BCAS2: variants seen among roughly 807,000 people sequenced by gnomAD.
The protein encoded by BCAS2 is pre-mRNA-splicing factor SPF27.
BCAS2 carries 34 observed loss-of-function variants against 35.3 expected under a neutral mutation model. The ratio of observed to expected loss-of-function variants is 0.96; its 90% confidence interval spans 0.73 to 1.28. BCAS2 has a LOEUF of 1.28. Ranked by LOEUF, BCAS2 falls within the 50% of genes most tolerant of loss-of-function variation. The pLI, the probability that BCAS2 is intolerant of heterozygous loss-of-function variation, is 0.00. For missense variants in BCAS2, 221 were observed against 268.1 expected, an observed-to-expected ratio of 0.82 and a Z score of 1.23; for synonymous variants, 75 against 91.6, an observed-to-expected ratio of 0.82 and a Z score of 1.03.
At chr1:114,577,389 T>G (rs1654793611) in intron 2 of BCAS2, among the ~76,000 whole-genome samples, 1 of 151,806 alleles carries the variant, frequency 6.6e-6, no homozygotes, top group Admixed American at 6.6e-5. Flanking sequence ...TTTTTTTTTG[T>G]GAGACGAAGT....
chr1:114,567,946 C>G lies in BCAS2; in HGVS notation c.*184G>C, dbSNP rs1654559450. 1 of 725,990 alleles carries G rather than the reference C, an allele frequency of 1.4e-6. No homozygotes were observed. The highest frequency in any genetic ancestry group is 2.8e-5 in the South Asian group (1 of 35,736). 45.0% of individuals were successfully genotyped at this position (725,990 alleles called of 1,614,324 possible). ...TTATGGCTATAAAAATACCACCAAG[C>G]TAGACATTTTAATTCTGTTGAGATA... On this transcript the variant is annotated 3_prime_UTR_variant, in exon 7 of 7. Coordinates refer to ENST00000369541, the MANE Select transcript of BCAS2 (RefSeq NM_005872.3).
chr1:114,577,373 A>AT (rs151333752), intron 2 of BCAS2, among the ~76,000 whole-genome samples: 5,543 of 150,720 alleles, frequency 0.037, 312 homozygotes, highest in African/African-American at 0.12. Flanking sequence ...TTATTTATTT[A>AT]TTTATTTTTT....
rs200139968 is a variant in BCAS2 at position 114,569,514 on chromosome 1, T to A, written c.551+478A>T. ...TATAAAATAATTTTTTTCCTTTTTTTTTTTTTAAAGACTAGGTCTTGCTCT... is the reference window on the plus strand; with the variant it reads ...TATAAAATAATTTTTTTCCTTTTTTATTTTTTAAAGACTAGGTCTTGCTCT... On this transcript the variant is annotated intron_variant, in intron 6 of 6. Transcript: ENST00000369541. 1.9e-4 allele frequency among the ~76,000 whole-genome samples: 29 copies of A among 152,164 alleles called. No individual in the cohort carries two copies. The East Asian group carries it at 5.4e-3, about 28-fold the overall frequency.
intron 2 of BCAS2, among the ~76,000 whole-genome samples, chr1:114,577,798 G>A (rs548067022): frequency 2.6e-5 from 4 of 152,260 alleles, no homozygotes; most frequent in Non-Finnish European, 4.4e-5. Context: ...GTAATACTTC[G>A]GTTATTCCAT....
chr1:114,580,107 A>C (rs1264068927), intron 2 of BCAS2, among the ~76,000 whole-genome samples: 7 of 151,430 alleles, frequency 4.6e-5, no homozygotes, highest in Admixed American at 4.6e-4. Flanking sequence ...CTAACTTTTT[A>C]ATTTTTCTTT....
intron 2 of BCAS2, among the ~76,000 whole-genome samples, chr1:114,577,919 G>A (rs753093888): frequency 1.3e-5 from 2 of 152,238 alleles, no homozygotes; most frequent in Non-Finnish European, 2.9e-5. Context: ...TAGGCCGGGC[G>A]AGGTGGCTCA....
intron 2 of BCAS2, among the ~76,000 whole-genome samples, chr1:114,577,577 G>C (rs2101630301): frequency 6.6e-6 from 1 of 152,218 alleles, no homozygotes; most frequent in Admixed American, 6.5e-5. Context: ...ATGTTGGCCA[G>C]GCTGGTCTCG....
chr1:114,568,179 T>C lies in BCAS2; in HGVS notation c.629A>G (p.Lys210Arg), dbSNP rs1436549799. Residue 210 changes from lysine to arginine, a missense_variant, in exon 7 of 7, where the codon AAG (lysine) becomes AGG (arginine). By Grantham distance (26) the Lys-to-Arg change is conservative. Coordinates refer to ENST00000369541, the MANE Select transcript of BCAS2 (RefSeq NM_005872.3). Reference protein sequence around the residue: ...VQLENEIYQIKQQHGEANKEN... With the variant: ...VQLENEIYQIRQQHGEANKEN... The stretch of plus-strand genomic sequence containing the variant: ...TTTGTTTGCCTCTCCATGTTGCTGC[T>C]TAATTTGATAGATTTCATTTTCTAG... 3 of 1,613,828 alleles carry C rather than the reference T, an allele frequency of 1.9e-6. No homozygotes were observed. Among genetic ancestry groups the C allele is most frequent in the Non-Finnish European group, 2.5e-6 (3 of 1,179,988 alleles).
At chr1:114,581,036 C>T (rs188018290) in intron 2 of BCAS2, among the ~76,000 whole-genome samples, 193 of 152,272 alleles carry the variant, frequency 1.3e-3, no homozygotes, top group African/African-American at 4.5e-3. Flanking sequence ...TGAGAATTTA[C>T]GCATGGATCC....
At position 114,569,901 on chromosome 1, in the gene BCAS2, A is replaced by G. The variant is rs1654604659; in HGVS notation, c.551+91T>C. On this transcript the variant is annotated intron_variant, in intron 6 of 6. Transcript: ENST00000369541. Reference sequence around the variant, plus strand: ...ATAGCATTTCTTTGTTACCTGTGGCATCCCATTTGAATGCTATTTGAATCA... The same window carrying G: ...ATAGCATTTCTTTGTTACCTGTGGCGTCCCATTTGAATGCTATTTGAATCA... 3.2e-6 allele frequency: 3 copies of G among 947,382 alleles called. No homozygotes were observed. The East Asian group carries it at 7.6e-5, about 24-fold the overall frequency. 58.7% of individuals were successfully genotyped at this position (947,382 alleles called of 1,614,324 possible).
At position 114,576,247 on chromosome 1, in the gene BCAS2, C is replaced by CTA. The variant is rs67885657; in HGVS notation, c.257+439_257+440dup. The stretch of plus-strand genomic sequence containing the variant: ...CCTCTCTCTCTCTCTCTCTCTCTCT[C>CTA]TATATATATATATATATAGTTTTTT... On this transcript the variant is annotated intron_variant, in intron 3 of 6. Coordinates refer to ENST00000369541, the MANE Select transcript of BCAS2 (RefSeq NM_005872.3). Among the ~76,000 whole-genome samples, 878 of 131,642 alleles carry CTA rather than the reference C, an allele frequency of 6.7e-3. 8 individuals carry two copies. The highest frequency in any genetic ancestry group is 9.0e-3 in the East Asian group (40 of 4,430). The allele number at this position is 131,642 out of a possible 152,430, so 86.4% of individuals were successfully genotyped here. A position where few individuals can be genotyped will look rare whatever the true frequency, so the allele number is the denominator to read the frequency against.
chr1:114,573,513 G>A (rs1021447813), intron 4 of BCAS2, among the ~76,000 whole-genome samples: 1 of 152,194 alleles, frequency 6.6e-6, no homozygotes, highest in African/African-American at 2.4e-5. Context: ...GATTATAAGC[G>A]TGAACCACGC....
At chr1:114,568,280 A>G in intron 6 of BCAS2, 24 bp from the exon 7 acceptor site, 2 of 1,605,240 alleles carry the variant, frequency 1.2e-6, no homozygotes, top group Non-Finnish European at 1.7e-6. Flanking sequence ...GAAGAAAAGA[A>G]AAAAATTACT....
At chr1:114,568,624 C>T (rs1654575515) in intron 6 of BCAS2, among the ~76,000 whole-genome samples, 1 of 151,788 alleles carries the variant, frequency 6.6e-6, no homozygotes, top group African/African-American at 2.4e-5. Context: ...ACCTCGGTCT[C>T]CTAATGTGCT....
chr1:114,580,346 A>G (rs552212126), intron 2 of BCAS2, among the ~76,000 whole-genome samples: 1 of 152,188 alleles, frequency 6.6e-6, no homozygotes, highest in Non-Finnish European at 1.5e-5. Context: ...GATATCTTAC[A>G]TTTCATTTAG....
chr1:114,569,304 T>C (rs905935521), intron 6 of BCAS2, among the ~76,000 whole-genome samples: 5 of 151,206 alleles, frequency 3.3e-5, no homozygotes, highest in African/African-American at 1.2e-4. Flanking sequence ...GGAACAAGAA[T>C]GACTTGAGTA....
intron 2 of BCAS2, among the ~76,000 whole-genome samples, chr1:114,578,639 T>G (rs1278554175): frequency 6.6e-6 from 1 of 152,172 alleles, no homozygotes; most frequent in Non-Finnish European, 1.5e-5. Context: ...GCCCAGTCAC[T>G]TTATCACTAT....
chr1:114,573,404 T>C (rs1654691322), intron 4 of BCAS2, among the ~76,000 whole-genome samples: 1 of 152,182 alleles, frequency 6.6e-6, no homozygotes, highest in African/African-American at 2.4e-5. Context: ...ATTTTTTTTA[T>C]TGTTTTCTAT....
chr1:114,578,127 T>C (rs1333454639), intron 2 of BCAS2, among the ~76,000 whole-genome samples: 1 of 151,402 alleles, frequency 6.6e-6, no homozygotes, highest in Non-Finnish European at 1.5e-5. Context: ...GAGGTGGAGG[T>C]TGCAGTGAGC....
Sources: gnomAD v4.1 joint callset for allele counts (sites outside exome capture counted in the v4.1 genomes callset) on GRCh38, gnomAD v4.1.1 for gene constraint, MANE v1.5 for transcripts, NCBI Gene and HGNC (gene_info 2026-07-23, HGNC 2026-07-21) for gene names.